Variants in PARD6G observed in about 807,000 individuals in gnomAD.
PARD6G encodes the protein partitioning defective 6 homolog gamma.
In PARD6G, 7 loss-of-function variants were observed where a neutral mutation model predicts 10.7. The ratio of observed to expected loss-of-function variants is 0.66; its 90% CI spans 0.37 to 1.23. The LOEUF (loss-of-function observed/expected upper bound fraction) is 1.23, where lower values mean the gene tolerates loss of function less well. Among genes scored for constraint, PARD6G ranks in the 50% most tolerant of loss-of-function variants. The probability of loss-of-function intolerance (pLI) is 0.02; values close to 1 mark genes in which losing one functional copy is unlikely to be tolerated. For synonymous variants in PARD6G, 287 were observed against 269.4 expected (o/e 1.07, Z -0.64); for missense variants, 548 against 571.8 (o/e 0.96, Z 0.42).
In PARD6G at chr18:80,209,493, A is replaced by AG. The variant is rs200370614; in HGVS notation, c.73-6562_73-6561insC. On this transcript the variant is annotated intron_variant, in intron 1 of 2. Coordinates refer to ENST00000353265, the MANE Select transcript of PARD6G (RefSeq NM_032510.4). ...TATTAAAAATTATCTCAAATACAAA[A>AG]TACCAAGATCAATAAGCAAAAGCGT... 4.7e-3 allele frequency among the ~76,000 whole-genome samples: 718 copies of AG among 152,338 alleles called. 28 individuals are homozygous for AG. The highest frequency in any genetic ancestry group is 0.041 in the Admixed American group (635 of 15,302).
At position 80,179,689 on chromosome 18, in the gene PARD6G, C is replaced by A. The variant is rs557191625; in HGVS notation, c.296-19083G>T. 2.0e-5 allele frequency among the ~76,000 whole-genome samples: 3 copies of A among 152,372 alleles called. No individual in the cohort carries two copies. The South Asian group carries it at 6.2e-4, about 32-fold the overall frequency. On this transcript the variant is annotated intron_variant, in intron 2 of 2. Coordinates refer to ENST00000353265, the MANE Select transcript of PARD6G (RefSeq NM_032510.4). Reference sequence around the variant, plus strand: ...TGCCCCTGGCCACTGCCTGTGCCTTCCGGGCAGCGACTGCACCTCCTCCTC... The same window carrying A: ...TGCCCCTGGCCACTGCCTGTGCCTTACGGGCAGCGACTGCACCTCCTCCTC...
At chr18:80,220,984 C>G (rs1464292488) in intron 1 of PARD6G, among the ~76,000 whole-genome samples, 1 of 152,022 alleles carries the variant, frequency 6.6e-6, no homozygotes, top group African/African-American at 2.4e-5. Flanking sequence ...GGACTGATTC[C>G]TAGAAAAAGA....
chr18:80,234,414 G>A (rs547081755), intron 1 of PARD6G, among the ~76,000 whole-genome samples: 1 of 152,264 alleles, frequency 6.6e-6, no homozygotes, highest in Admixed American at 6.5e-5. Context: ...GTAAGATAAA[G>A]GATCTTTTCT....
intron 2 of PARD6G, among the ~76,000 whole-genome samples, chr18:80,191,324 G>A (rs1386582502): frequency 6.6e-6 from 1 of 152,150 alleles, no homozygotes; most frequent in African/African-American, 2.4e-5. Context: ...GCCTGGCAGA[G>A]CTACATGAGG....
chr18:80,165,132 A>C (rs755767958), intron 2 of PARD6G, among the ~76,000 whole-genome samples: 1 of 152,040 alleles, frequency 6.6e-6, no homozygotes, highest in African/African-American at 2.4e-5. Flanking sequence ...GTTTCTCCCC[A>C]CCCTAGTAAG....
chr18:80,225,921 G>A (rs1298608110), intron 1 of PARD6G, among the ~76,000 whole-genome samples: 1 of 152,128 alleles, frequency 6.6e-6, no homozygotes, highest in African/African-American at 2.4e-5. Context: ...ACACACGGAT[G>A]TCTAACTCTG....
rs1967373231 is a variant in PARD6G at position 80,232,646 on chromosome 18, GTGGGAGTTATGAGAGTACA to G, written c.72+14612_72+14630del. Among the ~76,000 whole-genome samples the G allele has an allele frequency of 3.8e-5, 4 of 104,674 alleles. No homozygotes were observed. In the Admixed American group the frequency reaches 5.1e-4, roughly 13 times the overall value. The allele number at this position is 104,674 out of a possible 152,430, so 68.7% of individuals were successfully genotyped here. On this transcript the variant is annotated intron_variant, in intron 1 of 2. Transcript: ENST00000353265. ...TCCCACCAGGTCCCTCCCACAACAC[GTGGGAGTTATGAGAGTACA>G]ATTCAAGATGAGATTTGGGTGAGGA...
At chr18:80,194,142 G>A (rs1346045057) in intron 2 of PARD6G, among the ~76,000 whole-genome samples, 1 of 152,086 alleles carries the variant, frequency 6.6e-6, no homozygotes, top group Non-Finnish European at 1.5e-5. Flanking sequence ...TTTCTACAAC[G>A]AGCTACTTTT....
chr18:80,211,320 T>C lies in PARD6G; in HGVS notation c.73-8388A>G, dbSNP rs533210553. On this transcript the variant is annotated intron_variant, in intron 1 of 2. Transcript: ENST00000353265. ...GAAAGTGCCTGAGGAATAGTTACCA[T>C]TGGGGCAAACAGGAATTGGACAAAC... Among the ~76,000 whole-genome samples, 259 of 152,300 alleles carry C rather than the reference T, an allele frequency of 1.7e-3. 1 individual carries two copies. Among genetic ancestry groups the C allele is most frequent in the African/African-American group, 5.7e-3 (238 of 41,560 alleles).
chr18:80,173,165 TACC>T (rs1165264491), intron 2 of PARD6G, among the ~76,000 whole-genome samples: 1 of 152,158 alleles, frequency 6.6e-6, no homozygotes, highest in African/African-American at 2.4e-5. Context: ...AGAAATTAAG[TACC>T]ACCATGTTCA....
intron 1 of PARD6G, among the ~76,000 whole-genome samples, chr18:80,244,774 TG>T (rs1168923246): frequency 6.6e-6 from 1 of 152,204 alleles, no homozygotes; most frequent in African/African-American, 2.4e-5. Context: ...CATGGTGTTA[TG>T]GTGCTACATT....
At chr18:80,236,131 C>T (rs961764861) in intron 1 of PARD6G, among the ~76,000 whole-genome samples, 6 of 152,192 alleles carry the variant, frequency 3.9e-5, no homozygotes, top group Non-Finnish European at 7.3e-5. Flanking sequence ...AATCCAGCAG[C>T]ACATCAAAAA....
At chr18:80,193,926 A>G (rs1966925613) in intron 2 of PARD6G, among the ~76,000 whole-genome samples, 1 of 152,210 alleles carries the variant, frequency 6.6e-6, no homozygotes, top group African/African-American at 2.4e-5. Context: ...GCCTGAGTAC[A>G]GGTGGGATGT....
chr18:80,193,565 G>A (rs1042138691), intron 2 of PARD6G, among the ~76,000 whole-genome samples: 3 of 152,156 alleles, frequency 2.0e-5, no homozygotes, highest in Non-Finnish European at 2.9e-5. Context: ...ACAGATGATG[G>A]CGATGTTTGT....
chr18:80,167,098 C>T lies in PARD6G; in HGVS notation c.296-6492G>A, dbSNP rs114281010. 2.2e-3 allele frequency among the ~76,000 whole-genome samples: 342 copies of T among 152,306 alleles called. 3 individuals are homozygous for T. The highest frequency in any genetic ancestry group is 8.1e-3 in the African/African-American group (337 of 41,532). On this transcript the variant is annotated intron_variant, in intron 2 of 2. Transcript: ENST00000353265. ...TCAAAACAGTGACAGTTCACAATTA[C>T]AAGTGACACCCATTGGGCCTCACAG...
intron 1 of PARD6G, among the ~76,000 whole-genome samples, chr18:80,223,727 T>G (rs1425449991): frequency 6.6e-6 from 1 of 152,216 alleles, no homozygotes; most frequent in East Asian, 1.9e-4. Context: ...TTCAGAAACA[T>G]GACAACCCCG....
In PARD6G at chr18:80,236,868, G is replaced by A. The variant is rs1967429480; in HGVS notation, c.72+10409C>T. On this transcript the variant is annotated intron_variant, in intron 1 of 2. Coordinates refer to ENST00000353265, the MANE Select transcript of PARD6G (RefSeq NM_032510.4). ...TAAAAGAGGATACAAACAAATGGAAGAACATTCCATGCTCATGGGTAGGAA... is the reference window on the plus strand; with the variant it reads ...TAAAAGAGGATACAAACAAATGGAAAAACATTCCATGCTCATGGGTAGGAA... 3.9e-5 allele frequency among the ~76,000 whole-genome samples: 6 copies of A among 152,080 alleles called. No individual in the cohort carries two copies. In the South Asian group the frequency reaches 1.2e-3, roughly 32 times the overall value.
In PARD6G at chr18:80,160,197, C is replaced by G. The variant is rs748057470; in HGVS notation, c.705G>C (p.Met235Ile). ...TGAGGTTGTGGCTGTTGGCGATCAT[C>G]ATGTCCGTGACCTGGTCCAGCGTCT... Reference protein sequence around the residue: ...AGKTLDQVTDMMIANSHNLIV... With the variant: ...AGKTLDQVTDIMIANSHNLIV... The change falls in exon 3 of 3, where the codon ATG becomes ATC. Residue 235 changes from methionine (M) to isoleucine (I), a missense_variant. By Grantham distance (10) the Met-to-Ile change is conservative (BLOSUM62 1). Coordinates refer to ENST00000353265, the MANE Select transcript of PARD6G (RefSeq NM_032510.4). 6.2e-7 allele frequency: 1 copy of G among 1,613,330 alleles called. No homozygotes were observed. The highest frequency in any genetic ancestry group is 1.1e-5 in the South Asian group (1 of 91,086).
chr18:80,204,720 G>A (rs1009536870), intron 1 of PARD6G, among the ~76,000 whole-genome samples: 6 of 151,966 alleles, frequency 3.9e-5, no homozygotes, highest in Admixed American at 6.6e-5. Flanking sequence ...AGGCCAAGGC[G>A]GGCAGATTAC....
Sources: allele counts gnomAD v4.1 joint callset (sites outside exome capture counted in the v4.1 genomes callset), GRCh38; gene constraint gnomAD v4.1.1; transcripts MANE v1.5; gene names NCBI Gene and HGNC (gene_info 2026-07-23, HGNC 2026-07-21).